The following SPAG16 variants were observed in gnomAD, a reference collection of about 807,000 sequenced individuals.
SPAG16 encodes sperm-associated antigen 16 protein.
In SPAG16, 86 loss-of-function variants were observed where a neutral mutation model predicts 80.4. That is an observed-to-expected ratio of 1.07 (90% CI 0.90 to 1.28). The LOEUF (loss-of-function observed/expected upper bound fraction) is 1.28, where lower values mean the gene tolerates loss of function less well. SPAG16 is among the 50% of genes most tolerant of loss of function. The pLI, the probability that SPAG16 is intolerant of heterozygous loss-of-function variation, is 0.00. For synonymous variants in SPAG16, 294 were observed against 265.9 expected (o/e 1.11, Z -1.03); for missense variants, 870 against 765.3 (o/e 1.14, Z -1.61).
intron 15 of SPAG16, among the ~76,000 whole-genome samples, chr2:214,251,187 TCA>T (rs956690912): frequency 1.7e-4 from 26 of 151,692 alleles, no homozygotes; most frequent in African/African-American, 5.1e-4. Context: ...GAATATATTT[TCA>T]CACACACACC....
intron 12 of SPAG16, among the ~76,000 whole-genome samples, chr2:213,982,197 TA>T (rs1368380696): frequency 6.6e-6 from 1 of 152,100 alleles, no homozygotes; most frequent in African/African-American, 2.4e-5. Context: ...CTAAAGTTAG[TA>T]AATTATTTTA....
chr2:214,386,929 G>A (rs1559262925), intron 15 of SPAG16, among the ~76,000 whole-genome samples: 4 of 150,922 alleles, frequency 2.7e-5, no homozygotes, highest in South Asian at 4.2e-4. Context: ...TGACAGTTGC[G>A]TAACTTTTCT....
intron 15 of SPAG16, among the ~76,000 whole-genome samples, chr2:214,215,161 C>CT (rs752857260): frequency 3.3e-5 from 5 of 152,166 alleles, no homozygotes; most frequent in Non-Finnish European, 7.4e-5. Context: ...AGATGACCCC[C>CT]TTGTTCACAT....
intron 10 of SPAG16, among the ~76,000 whole-genome samples, chr2:213,727,158 A>G (rs2066804737): frequency 6.6e-6 from 1 of 152,176 alleles, no homozygotes; most frequent in Admixed American, 6.5e-5. Context: ...AAATAATTCA[A>G]TTTCATATCA....
Position 213,284,579 on chromosome 2 carries a change from GGC to G in SPAG16, c.98_99del (p.Ala33GlyfsTer6), listed in dbSNP as rs1158640909. The G allele has an allele frequency of 6.2e-7, 1 of 1,609,796 alleles. No homozygotes were observed. The highest frequency in any genetic ancestry group is 8.5e-7 in the Non-Finnish European group (1 of 1,178,558). On this transcript the variant is annotated frameshift_variant, in exon 1 of 16. Coordinates refer to ENST00000331683, the MANE Select transcript of SPAG16 (RefSeq NM_024532.5). LOFTEE classifies it high-confidence loss of function. ...LTAAGDARDT[A>X]DAVAAEGAYY... ...CGGCAGCCGGGGACGCGAGGGACAC[GGC>G]GGACGCGGTGGCGGCTGAGGGCGCC... is the stretch of plus-strand genomic sequence containing the variant.
At chr2:213,686,130 A>T (rs1007512876) in intron 10 of SPAG16, among the ~76,000 whole-genome samples, 2 of 152,050 alleles carry the variant, frequency 1.3e-5, no homozygotes, top group African/African-American at 4.8e-5. Flanking sequence ...TTATTTATTT[A>T]TTTATTGAGA....
Position 213,874,412 on chromosome 2 carries a change from A to G in SPAG16, c.1214+11784A>G, listed in dbSNP as rs538679340. On this transcript the variant is annotated intron_variant, in intron 11 of 15. Transcript: ENST00000331683. ...TTCTATAAATTTTTCTCTATTTTTTATTTTCAAACTTTTTGTTAAACACAA... is the reference window on the plus strand; with the variant it reads ...TTCTATAAATTTTTCTCTATTTTTTGTTTTCAAACTTTTTGTTAAACACAA... Among the ~76,000 whole-genome samples, 357 of 152,078 alleles carry G rather than the reference A, an allele frequency of 2.3e-3. 1 individual carries two copies. The highest frequency in any genetic ancestry group is 4.0e-3 in the Non-Finnish European group (274 of 67,954).
chr2:214,280,723 G>T, intron 15 of SPAG16: 1 of 370,600 alleles, frequency 2.7e-6, no homozygotes, highest in Non-Finnish European at 5.2e-6. Flanking sequence ...GGACATTTTG[G>T]GATGGTTCTA....
At chr2:214,047,712 A>C (rs1049850542) in intron 13 of SPAG16, among the ~76,000 whole-genome samples, 10 of 152,224 alleles carry the variant, frequency 6.6e-5, no homozygotes, top group Non-Finnish European at 1.3e-4. Flanking sequence ...CATGTTAAAA[A>C]GCTTCTACCC....
chr2:213,320,777 C>T (rs181971431), intron 5 of SPAG16, among the ~76,000 whole-genome samples: 4 of 152,010 alleles, frequency 2.6e-5, no homozygotes, highest in Non-Finnish European at 2.9e-5. Flanking sequence ...AATAACATTC[C>T]ATTGTGTATA....
chr2:214,279,754 C>T (rs1352009681), intron 15 of SPAG16, among the ~76,000 whole-genome samples: 1 of 151,920 alleles, frequency 6.6e-6, no homozygotes, highest in Non-Finnish European at 1.5e-5. Flanking sequence ...AAACATTGAC[C>T]AAGATATATA....
intron 10 of SPAG16, among the ~76,000 whole-genome samples, chr2:213,792,794 T>A (rs1559473162): frequency 6.6e-6 from 1 of 151,714 alleles, no homozygotes; most frequent in Non-Finnish European, 1.5e-5. Flanking sequence ...AGCTGCCACA[T>A]CTCTAAAACT....
intron 10 of SPAG16, among the ~76,000 whole-genome samples, chr2:213,537,996 G>A (rs2076309081): frequency 1.3e-5 from 2 of 152,094 alleles, no homozygotes; most frequent in African/African-American, 4.8e-5. Flanking sequence ...TATTAGTTCA[G>A]TACTGACAGT....
At chr2:213,847,357 C>T (rs1424153191) in intron 10 of SPAG16, among the ~76,000 whole-genome samples, 2 of 152,120 alleles carry the variant, frequency 1.3e-5, no homozygotes, top group African/African-American at 4.8e-5. Context: ...TGGGAAGCAT[C>T]GTGCTGGCAT....
intron 11 of SPAG16, among the ~76,000 whole-genome samples, chr2:213,929,627 G>A (rs1478697434): frequency 1.1e-5 from 1 of 94,532 alleles, no homozygotes; most frequent in African/African-American, 2.7e-5. Flanking sequence ...TCTGAAGCCC[G>A]ATCATCCAGA....
In SPAG16 at chr2:213,932,190, A is replaced by T. The variant is rs13386568; in HGVS notation, c.1400+2045A>T. Among the ~76,000 whole-genome samples, 96 of 17,592 alleles carry T rather than the reference A, an allele frequency of 5.5e-3. 4 individuals carry two copies. The highest frequency in any genetic ancestry group is 8.6e-3 in the South Asian group (1 of 116). 11.5% of individuals were successfully genotyped at this position (17,592 alleles called of 152,430 possible). On this transcript the variant is annotated intron_variant, in intron 12 of 15. Transcript: ENST00000331683. The stretch of plus-strand genomic sequence containing the variant: ...TATATATATATATATATATATATAT[A>T]TATATATATTTGTTGTTGTTGTTGT...
At chr2:213,711,071 T>TA (rs2065964248) in intron 10 of SPAG16, among the ~76,000 whole-genome samples, 1 of 152,190 alleles carries the variant, frequency 6.6e-6, no homozygotes, top group Admixed American at 6.5e-5. Flanking sequence ...ATATTCCTTG[T>TA]AAAAGACTAT....
At chr2:213,772,209 G>T (rs1214289401) in intron 10 of SPAG16, among the ~76,000 whole-genome samples, 1 of 152,126 alleles carries the variant, frequency 6.6e-6, no homozygotes, top group African/African-American at 2.4e-5. Context: ...TAGCAATTGT[G>T]AATGGGAGTT....
chr2:214,200,659 C>A (rs1233866136), intron 15 of SPAG16, among the ~76,000 whole-genome samples: 1 of 151,992 alleles, frequency 6.6e-6, no homozygotes, highest in Non-Finnish European at 1.5e-5. Context: ...GGAGATAGAG[C>A]AAGATCCCCA....
Sources: gnomAD v4.1 joint callset for allele counts (sites outside exome capture counted in the v4.1 genomes callset) on GRCh38, gnomAD v4.1.1 for gene constraint, MANE v1.5 for transcripts, NCBI Gene and HGNC (gene_info 2026-07-23, HGNC 2026-07-21) for gene names.